COX5A: variants seen among roughly 807,000 people sequenced by gnomAD.
COX5A encodes cytochrome c oxidase subunit 5A, also known as cytochrome c oxidase subunit 5A, mitochondrial.
COX5A carries 6 observed loss-of-function variants against 16.1 expected under a neutral mutation model. The ratio of observed to expected loss-of-function variants is 0.37; its 90% CI spans 0.20 to 0.73. The LOEUF is 0.73. COX5A is among the 30% of genes least tolerant of loss of function. The pLI, the probability that COX5A is intolerant of heterozygous loss-of-function variation, is 0.50. For missense variants in COX5A, 159 were observed against 194.9 expected, an observed-to-expected ratio of 0.82 and a Z score of 1.10; for synonymous variants, 73 against 73.8, an observed-to-expected ratio of 0.99 and a Z score of 0.06.
rs770469523 is a variant in COX5A, at chr15:74,938,064, C to G, written c.-50G>C. 2,161 of 1,175,072 alleles carry G rather than the reference C, an allele frequency of 1.8e-3. 5 individuals are homozygous for G. Among genetic ancestry groups the G allele is most frequent in the Non-Finnish European group, 1.9e-3 (1,760 of 937,722 alleles). The allele number at this position is 1,175,072 out of a possible 1,614,324, so 72.8% of individuals were successfully genotyped here. ...GAGGACAGAGAGAAGCCGGTGTAAG[C>G]TCGCGGGTTGCTCCGGAGCGGGCGG... On this transcript the variant is annotated 5_prime_UTR_variant, in exon 1 of 5. Transcript: ENST00000322347.
At chr15:74,926,919 C>T (rs764213271) in intron 2 of COX5A, 32 bp from the exon 3 acceptor site, 1 of 1,600,806 alleles carries the variant, frequency 6.2e-7, no homozygotes, top group East Asian at 2.2e-5. Context: ...CCATGTCAAC[C>T]TCGAAGAGCC....
At chr15:74,926,739 C>T (rs1595861523) in intron 3 of COX5A, 27 bp downstream of exon 3, 1 of 1,593,764 alleles carries the variant, frequency 6.3e-7, no homozygotes. Context: ...ATTTACAGAA[C>T]AATTTTAGCA....
At chr15:74,927,931 T>C in intron 2 of COX5A, among the ~76,000 whole-genome samples, 1 of 152,160 alleles carries the variant, frequency 6.6e-6, no homozygotes, top group Non-Finnish European at 1.5e-5. Flanking sequence ...CTCATAAACA[T>C]TCAACCAGAA....
intron 2 of COX5A, among the ~76,000 whole-genome samples, chr15:74,928,667 G>A (rs941871920): frequency 2.0e-5 from 3 of 152,198 alleles, no homozygotes; most frequent in Non-Finnish European, 4.4e-5. Flanking sequence ...TTACAGGCGT[G>A]AGCCACCGCG....
chr15:74,925,734 T>C (rs1256446674), intron 3 of COX5A, among the ~76,000 whole-genome samples: 2 of 152,194 alleles, frequency 1.3e-5, no homozygotes, highest in East Asian at 1.9e-4. Context: ...GTATCAACAG[T>C]TGTGTAGTAT....
chr15:74,937,549 C>A (rs2065396869), intron 1 of COX5A: 2 of 190,450 alleles, frequency 1.1e-5, no homozygotes, highest in Admixed American at 6.1e-5. Context: ...ATGTCACCTT[C>A]GCCGAGGCGC....
chr15:74,927,259 C>T (rs540909729), intron 2 of COX5A, among the ~76,000 whole-genome samples: 53 of 152,164 alleles, frequency 3.5e-4, no homozygotes, highest in Non-Finnish European at 6.5e-4. Context: ...TTACTGCAAC[C>T]GCTGCCACCT....
Position 74,938,072 on chromosome 15 carries a change from T to C in COX5A, c.-58A>G. 8 of 1,136,436 alleles carry C rather than the reference T, an allele frequency of 7.0e-6. No homozygotes were observed. Among genetic ancestry groups the C allele is most frequent in the Non-Finnish European group, 8.9e-6 (8 of 903,500 alleles). The allele number at this position is 1,136,436 out of a possible 1,614,324, so 70.4% of individuals were successfully genotyped here. On this transcript the variant is annotated 5_prime_UTR_variant, in exon 1 of 5. Transcript: ENST00000322347. The stretch of plus-strand genomic sequence containing the variant: ...AGAGAAGCCGGTGTAAGCTCGCGGG[T>C]TGCTCCGGAGCGGGCGGGGGCCGGA...
At chr15:74,926,330 G>A (rs1378168216) in intron 3 of COX5A, among the ~76,000 whole-genome samples, 12 of 150,996 alleles carry the variant, frequency 7.9e-5, no homozygotes, top group South Asian at 2.1e-4. Context: ...GTGAGCCACC[G>A]CGCCTGGCCT....
chr15:74,931,552 CA>C (rs1210335928), intron 1 of COX5A, among the ~76,000 whole-genome samples: 4 of 146,428 alleles, frequency 2.7e-5, no homozygotes, highest in African/African-American at 1.0e-4. Context: ...AAAGCATTTC[CA>C]TTTTTTTTTT....
At chr15:74,931,110 T>C (rs1288417748) in intron 1 of COX5A, among the ~76,000 whole-genome samples, 2 of 151,898 alleles carry the variant, frequency 1.3e-5, no homozygotes, top group Admixed American at 6.6e-5. Flanking sequence ...ACAAATTGCT[T>C]TATCAAACTA....
At position 74,937,356 on chromosome 15, in the gene COX5A, C is replaced by T. The variant is rs185510005; in HGVS notation, c.100+559G>A. Among the ~76,000 whole-genome samples the T allele has an allele frequency of 3.3e-5, 5 of 152,314 alleles. 1 individual carries two copies. The highest frequency in any genetic ancestry group is 3.3e-4 in the Admixed American group (5 of 15,300). ...GAGATCAGGAAACAACCACACACTT[C>T]CATCTATTTTAAACGTGGAAGAATT... On this transcript the variant is annotated intron_variant, in intron 1 of 4. Coordinates refer to ENST00000322347, the MANE Select transcript of COX5A (RefSeq NM_004255.4).
chr15:74,933,421 ATCTATCTATC>A (rs2065375574), intron 1 of COX5A, among the ~76,000 whole-genome samples: 14 of 57,714 alleles, frequency 2.4e-4, no homozygotes, highest in Non-Finnish European at 4.2e-4. Flanking sequence ...AAAAAAAAAT[ATCTATCTATC>A]TATCTATCTA....
chr15:74,928,735 C>A (rs569405637), intron 2 of COX5A, among the ~76,000 whole-genome samples: 292 of 152,268 alleles, frequency 1.9e-3, no homozygotes, highest in African/African-American at 6.8e-3. Context: ...CTCATCTAGC[C>A]TTATTGCTAT....
chr15:74,923,653 C>A lies in COX5A; in HGVS notation c.*4G>T. On this transcript the variant is annotated 3_prime_UTR_variant, in exon 4 of 5. Transcript: ENST00000322347. ...TTCAGTGGTTTGTCGCTTACCCATG[C>A]GGTTTACACTTTGTCAAGGCCCAGT... 1 of 1,581,680 alleles carries A rather than the reference C, an allele frequency of 6.3e-7. No homozygotes were observed. Among genetic ancestry groups the A allele is most frequent in the Non-Finnish European group, 8.7e-7 (1 of 1,152,304 alleles).
intron 1 of COX5A, among the ~76,000 whole-genome samples, chr15:74,936,365 T>C (rs1031830949): frequency 2.0e-5 from 3 of 152,024 alleles, no homozygotes; most frequent in Non-Finnish European, 2.9e-5. Context: ...TTTCCTTTTC[T>C]ATAAAATAAA....
At position 74,938,044 on chromosome 15, in the gene COX5A, CAG is replaced by C; in HGVS notation, c.-32_-31del. The stretch of plus-strand genomic sequence containing the variant: ...GCGATGGCGGCGCGCGGGCTGAGGA[CAG>C]AGAGAAGCCGGTGTAAGCTCGCGGG... On this transcript the variant is annotated 5_prime_UTR_variant, in exon 1 of 5. Coordinates refer to ENST00000322347, the MANE Select transcript of COX5A (RefSeq NM_004255.4). 1.6e-6 allele frequency: 2 copies of C among 1,215,842 alleles called. No homozygotes were observed. The highest frequency in any genetic ancestry group is 3.2e-5 in the East Asian group (1 of 31,392). 75.3% of individuals were successfully genotyped at this position (1,215,842 alleles called of 1,614,324 possible). A position where few individuals can be genotyped will look rare whatever the true frequency, so the allele number is the denominator to read the frequency against.
chr15:74,928,904 C>A (rs12912839), intron 2 of COX5A, among the ~76,000 whole-genome samples: 1 of 151,976 alleles, frequency 6.6e-6, no homozygotes, highest in East Asian at 1.9e-4. Context: ...AAGGACAGTC[C>A]CCTACAACAA....
intron 1 of COX5A, among the ~76,000 whole-genome samples, chr15:74,936,667 G>A (rs2065391616): frequency 7.2e-6 from 1 of 138,268 alleles, no homozygotes. Flanking sequence ...CGCTCTGTCG[G>A]CCAGGCTGGA....
Sources: gnomAD v4.1 joint callset for allele counts (sites outside exome capture counted in the v4.1 genomes callset) on GRCh38, gnomAD v4.1.1 for gene constraint, MANE v1.5 for transcripts, NCBI Gene and HGNC (gene_info 2026-07-23, HGNC 2026-07-21) for gene names.